Variants in MLLT1 observed in about 807,000 individuals in gnomAD.
The protein encoded by MLLT1 is MLLT1 super elongation complex subunit.
MLLT1 carries 11 observed loss-of-function variants against 55.1 expected under a neutral mutation model. That is an observed-to-expected ratio of 0.20 (90% CI 0.13 to 0.33). MLLT1 has a LOEUF of 0.33. Ranked by LOEUF, MLLT1 falls within the 10% of genes least tolerant of loss-of-function variation. MLLT1 has a pLI of 1.00. For missense variants in MLLT1, 536 were observed against 760.6 expected, an observed-to-expected ratio of 0.70 and a Z score of 3.47; for synonymous variants, 323 against 320.1, an observed-to-expected ratio of 1.01 and a Z score of -0.10.
Position 6,229,391 on chromosome 19 carries a change from G to A in MLLT1, c.420+1179C>T, listed in dbSNP as rs1057227490. On this transcript the variant is annotated intron_variant, in intron 4 of 11. Transcript: ENST00000252674. This position sits in a 1 kb window ranked among gnomAD's most constrained non-coding sequence, Gnocchi z 5.2. The stretch of plus-strand genomic sequence containing the variant: ...CCTCCTTCTTCTTAGGAGAACGACG[G>A]CCACCAAGGACCTGACCATGCCCCA... Among the ~76,000 whole-genome samples, 3 of 151,852 alleles carry A rather than the reference G, an allele frequency of 2.0e-5. No individual in the cohort carries two copies. The highest frequency in any genetic ancestry group is 4.4e-5 in the Non-Finnish European group (3 of 67,952).
chr19:6,266,559 C>T (rs1341356944), intron 2 of MLLT1, among the ~76,000 whole-genome samples: 2 of 152,040 alleles, frequency 1.3e-5, no homozygotes, highest in Non-Finnish European at 2.9e-5. Context: ...CAGGTTCAAG[C>T]GATTTTCCTG....
At position 6,240,955 on chromosome 19, in the gene MLLT1, T is replaced by G. The variant is rs943927234; in HGVS notation, c.277-10242A>C. 5.3e-5 allele frequency among the ~76,000 whole-genome samples: 8 copies of G among 152,166 alleles called. No individual in the cohort carries two copies. The highest frequency in any genetic ancestry group is 1.9e-4 in the African/African-American group (8 of 41,432). On this transcript the variant is annotated intron_variant, in intron 3 of 11. Coordinates refer to ENST00000252674, the MANE Select transcript of MLLT1 (RefSeq NM_005934.4). This position sits in a 1 kb window ranked among gnomAD's most constrained non-coding sequence, Gnocchi z 4.7. ...GCTTCTATTAACTGGAAGCCAAACT[T>G]AATGATTTCTCCTCAGTCTGACACC...
chr19:6,253,716 G>A (rs967449718), intron 3 of MLLT1, among the ~76,000 whole-genome samples: 3 of 152,074 alleles, frequency 2.0e-5, no homozygotes, highest in African/African-American at 7.2e-5. Flanking sequence ...TTAATAAAAG[G>A]AAGAAAAAAT....
intron 2 of MLLT1, among the ~76,000 whole-genome samples, chr19:6,264,393 A>G (rs933707797): frequency 6.6e-6 from 1 of 152,110 alleles, no homozygotes; most frequent in Non-Finnish European, 1.5e-5. Flanking sequence ...GGAAATCAGG[A>G]GGCCCGTGAG....
rs2090775962 is a variant in MLLT1, at chr19:6,211,876, C to A, written c.*1166G>T. ...AGTGGGGCTGCGGGCGCGGCACCAGCATGAATTGCGGCGGTGGAGGCCGGG... is the reference window on the plus strand; with the variant it reads ...AGTGGGGCTGCGGGCGCGGCACCAGAATGAATTGCGGCGGTGGAGGCCGGG... On this transcript the variant is annotated 3_prime_UTR_variant, in exon 12 of 12. Coordinates refer to ENST00000252674, the MANE Select transcript of MLLT1 (RefSeq NM_005934.4). The surrounding 1 kb of genome is among the most constrained non-coding windows in gnomAD (Gnocchi z 4.6). 4.7e-6 allele frequency: 5 copies of A among 1,064,406 alleles called. No individual in the cohort carries two copies. Among genetic ancestry groups the A allele is most frequent in the Non-Finnish European group, 5.7e-6 (5 of 878,614 alleles). 65.9% of individuals were successfully genotyped at this position (1,064,406 alleles called of 1,614,324 possible). A position where few individuals can be genotyped will look rare whatever the true frequency, so the allele number is the denominator to read the frequency against.
rs568941051 is a variant in MLLT1, at chr19:6,247,099, C to T, written c.276+15129G>A. ...CAACTGGGGAAGGCGTGAATGAGCCCGCTGGTGCTGGATGGAGTTGGCAGC... is the reference window on the plus strand; with the variant it reads ...CAACTGGGGAAGGCGTGAATGAGCCTGCTGGTGCTGGATGGAGTTGGCAGC... On this transcript the variant is annotated intron_variant, in intron 3 of 11. Transcript: ENST00000252674. Among the ~76,000 whole-genome samples, 9 of 152,208 alleles carry T rather than the reference C, an allele frequency of 5.9e-5. No individual in the cohort carries two copies. In the South Asian group the frequency reaches 8.3e-4, roughly 14 times the overall value.
chr19:6,271,789 A>C (rs1237954925), intron 1 of MLLT1, among the ~76,000 whole-genome samples: 1 of 152,216 alleles, frequency 6.6e-6, no homozygotes, highest in African/African-American at 2.4e-5. Context: ...AGCCAGCCAG[A>C]CCATGGCCTG....
In MLLT1 at chr19:6,230,812, CCT is replaced by C. The variant is rs2091001985; in HGVS notation, c.277-101_277-100del. 5 of 1,427,004 alleles carry C rather than the reference CCT, an allele frequency of 3.5e-6. No individual in the cohort carries two copies. Among genetic ancestry groups the C allele is most frequent in the Non-Finnish European group, 4.8e-6 (5 of 1,042,726 alleles). 88.4% of individuals were successfully genotyped at this position (1,427,004 alleles called of 1,614,324 possible). A position where few individuals can be genotyped will look rare whatever the true frequency, so the allele number is the denominator to read the frequency against. ...TGGTCCTCCCCTCTCCCTCACTGGG[CCT>C]CTGTTCCCCTCCCTCCGATTTGCGC... On this transcript the variant is annotated intron_variant, in intron 3 of 11. Coordinates refer to ENST00000252674, the MANE Select transcript of MLLT1 (RefSeq NM_005934.4). This position sits in a 1 kb window ranked among gnomAD's most constrained non-coding sequence, Gnocchi z 9.0.
At chr19:6,238,899 G>A (rs548411454) in intron 3 of MLLT1, among the ~76,000 whole-genome samples, 2 of 152,374 alleles carry the variant, frequency 1.3e-5, no homozygotes, top group African/African-American at 4.8e-5. Context: ...CGGCTACCTT[G>A]GAACTAGGCA....
rs913643405 is a variant in MLLT1 at position 6,230,485 on chromosome 19, G to A, written c.420+85C>T. 24 of 1,538,488 alleles carry A rather than the reference G, an allele frequency of 1.6e-5. No individual in the cohort carries two copies. The Admixed American group carries it at 1.9e-4, about 12-fold the overall frequency. The stretch of plus-strand genomic sequence containing the variant: ...GCCTTGGGTCTCGGCCCCCAGCACC[G>A]ACACCTCTGGCTGGGCACAGACGGC... On this transcript the variant is annotated intron_variant, in intron 4 of 11. Transcript: ENST00000252674. The surrounding 1 kb of genome is among the most constrained non-coding windows in gnomAD (Gnocchi z 9.0).
chr19:6,258,073 T>A (rs1297588320), intron 3 of MLLT1, among the ~76,000 whole-genome samples: 1 of 152,142 alleles, frequency 6.6e-6, no homozygotes, highest in African/African-American at 2.4e-5. Flanking sequence ...GAAAACGGCT[T>A]AGCAGTTCCT....
intron 3 of MLLT1, among the ~76,000 whole-genome samples, chr19:6,253,638 G>T (rs1326268810): frequency 6.6e-6 from 1 of 152,080 alleles, no homozygotes; most frequent in African/African-American, 2.4e-5. Flanking sequence ...AACCAAGAGG[G>T]ATTTATCCCA....
At chr19:6,275,762 G>A (rs1052820589) in intron 1 of MLLT1, among the ~76,000 whole-genome samples, 1 of 152,224 alleles carries the variant, frequency 6.6e-6, no homozygotes, top group Admixed American at 6.5e-5. Context: ...ATTTCTCTCT[G>A]GAAACTCTCT....
rs1193754011 is a variant in MLLT1 at position 6,219,281 on chromosome 19, C to T, written c.1111-1240G>A. On this transcript the variant is annotated intron_variant, in intron 6 of 11. Coordinates refer to ENST00000252674, the MANE Select transcript of MLLT1 (RefSeq NM_005934.4). The surrounding 1 kb of genome is among the most constrained non-coding windows in gnomAD (Gnocchi z 4.5). ...CCTCAAACCAGCCCCTGCCAGCGCCCCTTCCCACCAACACATGGCGCTCCC... is the reference window on the plus strand; with the variant it reads ...CCTCAAACCAGCCCCTGCCAGCGCCTCTTCCCACCAACACATGGCGCTCCC... Among the ~76,000 whole-genome samples, 1 of 152,178 alleles carries T rather than the reference C, an allele frequency of 6.6e-6. No homozygotes were observed. Among genetic ancestry groups the T allele is most frequent in the Admixed American group, 6.5e-5 (1 of 15,286 alleles).
Position 6,230,760 on chromosome 19 carries a change from T to C in MLLT1, c.277-47A>G. ...AGTCTGCATCAGAGGGTGGCCGTGG[T>C]GCAGGGACACAGCTCCCCATTGGCC... is the stretch of plus-strand genomic sequence containing the variant. On this transcript the variant is annotated intron_variant, in intron 3 of 11. Coordinates refer to ENST00000252674, the MANE Select transcript of MLLT1 (RefSeq NM_005934.4). This position sits in a 1 kb window ranked among gnomAD's most constrained non-coding sequence, Gnocchi z 9.0. 6.2e-7 allele frequency: 1 copy of C among 1,607,308 alleles called. No homozygotes were observed. Among genetic ancestry groups the C allele is most frequent in the Non-Finnish European group, 8.5e-7 (1 of 1,175,858 alleles).
In MLLT1 at chr19:6,222,433, C is replaced by T. The variant is rs779520709; in HGVS notation, c.798G>A (p.Thr266=). 1.1e-5 allele frequency: 17 copies of T among 1,540,336 alleles called. 1 individual carries two copies. Among genetic ancestry groups the T allele is most frequent in the South Asian group, 8.4e-5 (7 of 82,990 alleles). The change falls in exon 6 of 12, where the codon ACG becomes ACA. Residue 266 remains threonine, a synonymous_variant. Transcript: ENST00000252674. This position sits in a 1 kb window ranked among gnomAD's most constrained non-coding sequence, Gnocchi z 4.1. ...MALKETKLES[T]SPKGGPPPPP... ...GGGGTGGGGGCCCACCCTTGGGGGA[C>T]GTGCTTTCCAGCTTGGTCTCTTTCA... is the stretch of plus-strand genomic sequence containing the variant.
Position 6,240,792 on chromosome 19 carries a change from T to C in MLLT1, c.277-10079A>G, listed in dbSNP as rs572191797. On this transcript the variant is annotated intron_variant, in intron 3 of 11. Transcript: ENST00000252674. This position sits in a 1 kb window ranked among gnomAD's most constrained non-coding sequence, Gnocchi z 4.7. Reference sequence around the variant, plus strand: ...CTCCAGTTCCTACCCTGCGTCCTTCTGTGCTTCGCATTTCCGATAACCAGA... The same window carrying C: ...CTCCAGTTCCTACCCTGCGTCCTTCCGTGCTTCGCATTTCCGATAACCAGA... 6.6e-6 allele frequency among the ~76,000 whole-genome samples: 1 copy of C among 152,306 alleles called. No homozygotes were observed. Among genetic ancestry groups the C allele is most frequent in the Non-Finnish European group, 1.5e-5 (1 of 68,030 alleles).
rs1349111043 is a variant in MLLT1 at position 6,213,317 on chromosome 19, G to A, written c.1551+20C>T. On this transcript the variant is annotated intron_variant, in intron 11 of 11. Coordinates refer to ENST00000252674, the MANE Select transcript of MLLT1 (RefSeq NM_005934.4). ...AGGCACCCCGACCTCTGCCGGGCAG[G>A]ACCCTCAGGGGGGCGATACCTGCTG... 6.2e-7 allele frequency: 1 copy of A among 1,612,092 alleles called. No homozygotes were observed. Among genetic ancestry groups the A allele is most frequent in the Non-Finnish European group, 8.5e-7 (1 of 1,179,542 alleles).
At chr19:6,268,865 A>T (rs2091370466) in intron 2 of MLLT1, among the ~76,000 whole-genome samples, 1 of 152,066 alleles carries the variant, frequency 6.6e-6, no homozygotes, top group Admixed American at 6.6e-5. Context: ...CTAAAAACTA[A>T]CCCTTAAGAG....
Sources: gnomAD v4.1 joint callset for allele counts (sites outside exome capture counted in the v4.1 genomes callset) on GRCh38, gnomAD v4.1.1 for gene constraint, Gnocchi (gnomAD v3.1) non-coding constraint, MANE v1.5 for transcripts, NCBI Gene and HGNC (gene_info 2026-07-23, HGNC 2026-07-21) for gene names.